The following SDK1 variants were observed in gnomAD, a reference collection of about 807,000 sequenced individuals.
The protein encoded by SDK1 is sidekick cell adhesion molecule 1.
A neutral mutation model predicts 245.5 loss-of-function variants in SDK1; 157 were observed. That is an observed-to-expected ratio of 0.64 (90% CI 0.56 to 0.73). The LOEUF (loss-of-function observed/expected upper bound fraction) is 0.73, where lower values mean the gene tolerates loss of function less well. Ranked by LOEUF, SDK1 falls within the 30% of genes least tolerant of loss-of-function variation. The pLI, the probability that SDK1 is intolerant of heterozygous loss-of-function variation, is 0.00. For missense variants in SDK1, 3,583 were observed against 3,002.3 expected, an observed-to-expected ratio of 1.19 and a Z score of -4.52; for synonymous variants, 1,647 against 1,278.5, an observed-to-expected ratio of 1.29 and a Z score of -6.15.
intron 5 of SDK1, among the ~76,000 whole-genome samples, chr7:3,894,617 G>C (rs1309337863): frequency 6.6e-6 from 1 of 152,018 alleles, no homozygotes; most frequent in Non-Finnish European, 1.5e-5. Flanking sequence ...CAACATCAGG[G>C]CATCAGATCC....
At chr7:3,544,943 C>G (rs140565174) in intron 1 of SDK1, among the ~76,000 whole-genome samples, 59 of 152,272 alleles carry the variant, frequency 3.9e-4, no homozygotes, top group Admixed American at 7.2e-4. Context: ...TTGTATAAAA[C>G]TCACGGACTC....
chr7:3,931,600 G>A (rs918790824), intron 5 of SDK1, among the ~76,000 whole-genome samples: 1 of 152,116 alleles, frequency 6.6e-6, no homozygotes, highest in Non-Finnish European at 1.5e-5. Flanking sequence ...AGGCATGTGG[G>A]GTACACCCTA....
chr7:3,723,941 TATAGAGAGAGAGAG>T lies in SDK1; in HGVS notation c.713+81838_713+81851del, dbSNP rs1171275745. Among the ~76,000 whole-genome samples the T allele has an allele frequency of 1.9e-4, 21 of 111,358 alleles. 1 individual carries two copies. The highest frequency in any genetic ancestry group is 6.0e-4 in the African/African-American group (17 of 28,430). 73.1% of individuals were successfully genotyped at this position (111,358 alleles called of 152,430 possible). ...ATATACACGTATATATATATATATA[TATAGAGAGAGAGAG>T]AGAGAGAGAGAGAGAGAGAGAGAAA... is the stretch of plus-strand genomic sequence containing the variant. On this transcript the variant is annotated intron_variant, in intron 4 of 44. Transcript: ENST00000404826.
chr7:3,503,238 T>C (rs528289776), intron 1 of SDK1, among the ~76,000 whole-genome samples: 1 of 152,220 alleles, frequency 6.6e-6, no homozygotes, highest in South Asian at 2.1e-4. Context: ...AAGAAATTAC[T>C]CATTAAGACT....
intron 34 of SDK1, among the ~76,000 whole-genome samples, chr7:4,177,676 C>G (rs918588497): frequency 6.6e-6 from 1 of 152,184 alleles, no homozygotes; most frequent in African/African-American, 2.4e-5. Flanking sequence ...TTGTGGGAGA[C>G]AATTTTTCCA....
At chr7:3,585,169 C>T (rs1399948987) in intron 1 of SDK1, among the ~76,000 whole-genome samples, 2 of 152,152 alleles carry the variant, frequency 1.3e-5, no homozygotes, top group Non-Finnish European at 2.9e-5. Context: ...TCCAGAGGAC[C>T]TGAGCAAAGA....
At chr7:3,896,642 T>C (rs550361883) in intron 5 of SDK1, among the ~76,000 whole-genome samples, 14 of 152,186 alleles carry the variant, frequency 9.2e-5, no homozygotes, top group Non-Finnish European at 1.6e-4. Context: ...GGACACTCTT[T>C]TGTTTTCCTT....
At chr7:3,930,556 C>A (rs1204285193) in intron 5 of SDK1, among the ~76,000 whole-genome samples, 6 of 152,196 alleles carry the variant, frequency 3.9e-5, no homozygotes, top group African/African-American at 1.4e-4. Flanking sequence ...GTTTCCAGTG[C>A]TCAGAGACTG....
chr7:3,506,942 T>A (rs1782413366), intron 1 of SDK1, among the ~76,000 whole-genome samples: 1 of 152,224 alleles, frequency 6.6e-6, no homozygotes, highest in African/African-American at 2.4e-5. Context: ...ATTTTTCTCT[T>A]GGTTAAGGGC....
chr7:3,394,638 CT>C (rs1460894193), intron 1 of SDK1, among the ~76,000 whole-genome samples: 3 of 151,966 alleles, frequency 2.0e-5, no homozygotes, highest in South Asian at 2.1e-4. Flanking sequence ...AATATTGAGT[CT>C]TTCGATCCAT....
intron 1 of SDK1, among the ~76,000 whole-genome samples, chr7:3,492,337 A>C (rs1781887456): frequency 6.6e-6 from 1 of 152,124 alleles, no homozygotes. Flanking sequence ...TACTAAAAAT[A>C]GAAAAAATTA....
intron 5 of SDK1, among the ~76,000 whole-genome samples, chr7:3,927,030 A>AGGT (rs1310074742): frequency 3.3e-5 from 5 of 152,164 alleles, no homozygotes; most frequent in Non-Finnish European, 7.3e-5. Flanking sequence ...TCAGCCACAG[A>AGGT]GGAATTCCTG....
chr7:3,440,932 C>T (rs188771759), intron 1 of SDK1, among the ~76,000 whole-genome samples: 22 of 152,240 alleles, frequency 1.4e-4, no homozygotes, highest in South Asian at 6.2e-4. Flanking sequence ...GCCTATATGA[C>T]GACTTGAGCA....
intron 35 of SDK1, among the ~76,000 whole-genome samples, chr7:4,181,133 CACTT>C (rs978985796): frequency 3.4e-4 from 52 of 152,234 alleles, no homozygotes; most frequent in Non-Finnish European, 7.2e-4. Context: ...GGCAGCCTCT[CACTT>C]ACTCTCTGTC....
rs765080757 is a variant in SDK1 at position 3,515,169 on chromosome 7, T to G, written c.299-103911T>G. Reference sequence around the variant, plus strand: ...GCAGTCAATTCTCATTCTGCTGTTTTGAGCAACCTTCTGAAGAAGAGCAGG... The same window carrying G: ...GCAGTCAATTCTCATTCTGCTGTTTGGAGCAACCTTCTGAAGAAGAGCAGG... On this transcript the variant is annotated intron_variant, in intron 1 of 44. Transcript: ENST00000404826. Among the ~76,000 whole-genome samples the G allele has an allele frequency of 5.9e-5, 9 of 152,152 alleles. 1 individual carries two copies. The highest frequency in any genetic ancestry group is 8.8e-5 in the Non-Finnish European group (6 of 68,020).
intron 1 of SDK1, among the ~76,000 whole-genome samples, chr7:3,366,084 T>A (rs1344940626): frequency 6.6e-6 from 1 of 151,954 alleles, no homozygotes. Context: ...TGTGTAGATA[T>A]TTTACCGATT....
rs181477903 is a variant in SDK1, at chr7:3,629,403, C to T, written c.459-9601C>T. 2.5e-3 allele frequency among the ~76,000 whole-genome samples: 378 copies of T among 152,204 alleles called. 4 individuals carry two copies. Among genetic ancestry groups the T allele is most frequent in the South Asian group, 0.018 (86 of 4,816 alleles). Reference sequence around the variant, plus strand: ...CCCCTTTAATATTTGGCAGAATATTCGTCAGCACATTCATGTGAGAAAACT... The same window carrying T: ...CCCCTTTAATATTTGGCAGAATATTTGTCAGCACATTCATGTGAGAAAACT... On this transcript the variant is annotated intron_variant, in intron 2 of 44. Coordinates refer to ENST00000404826, the MANE Select transcript of SDK1 (RefSeq NM_152744.4).
chr7:3,768,521 T>C (rs757408606), intron 4 of SDK1, among the ~76,000 whole-genome samples: 1 of 152,254 alleles, frequency 6.6e-6, no homozygotes, highest in African/African-American at 2.4e-5. Context: ...TTCCTGAGAC[T>C]GTGTCTGATA....
chr7:3,815,418 A>T (rs1779482616), intron 4 of SDK1, among the ~76,000 whole-genome samples: 1 of 146,340 alleles, frequency 6.8e-6, no homozygotes, highest in Admixed American at 7.0e-5. Flanking sequence ...GATTACATTT[A>T]TTGATTTGCG....
Sources: gnomAD v4.1 joint callset for allele counts (sites outside exome capture counted in the v4.1 genomes callset) on GRCh38, gnomAD v4.1.1 for gene constraint, MANE v1.5 for transcripts, NCBI Gene and HGNC (gene_info 2026-07-23, HGNC 2026-07-21) for gene names.